The following EYS variants were observed in gnomAD, a reference collection of about 807,000 sequenced individuals.
EYS encodes EGF-like photoreceptor maintenance factor, also known as protein eyes shut homolog.
In EYS, 250 loss-of-function variants were observed where a neutral mutation model predicts 282.1. That is an observed-to-expected ratio of 0.89 (90% confidence interval 0.80 to 0.98). The LOEUF (loss-of-function observed/expected upper bound fraction) is 0.98, where lower values mean the gene tolerates loss of function less well. Among genes scored for constraint, EYS ranks in the 50% least tolerant of loss-of-function variants. The pLI, the probability that EYS is intolerant of heterozygous loss-of-function variation, is 0.00. For synonymous variants in EYS, 1,355 were observed against 1,282.9 expected (o/e 1.06, Z -1.20); for missense variants, 4,016 against 3,709.0 (o/e 1.08, Z -2.15).
At chr6:63,911,130 A>AC (rs1184822779) in intron 35 of EYS, among the ~76,000 whole-genome samples, 1 of 151,708 alleles carries the variant, frequency 6.6e-6, no homozygotes, top group Non-Finnish European at 1.5e-5. Flanking sequence ...TTAAAAAAAA[A>AC]AAAAAGCCCC....
chr6:65,148,060 G>C (rs546433305), intron 12 of EYS, among the ~76,000 whole-genome samples: 23 of 152,112 alleles, frequency 1.5e-4, no homozygotes, highest in Admixed American at 5.2e-4. Context: ...GATGAGATTC[G>C]GGTGAGCGCA....
At chr6:63,777,604 A>C (rs935954966) in intron 40 of EYS, 1 of 161,114 alleles carries the variant, frequency 6.2e-6, no homozygotes, top group Non-Finnish European at 1.4e-5. Context: ...TTCATACTAA[A>C]GTAGTTCAGA....
At chr6:65,054,074 T>G (rs1773348122) in intron 13 of EYS, among the ~76,000 whole-genome samples, 1 of 151,984 alleles carries the variant, frequency 6.6e-6, no homozygotes, top group Non-Finnish European at 1.5e-5. Flanking sequence ...CATAGATGGA[T>G]TATATATACA....
intron 12 of EYS, among the ~76,000 whole-genome samples, chr6:65,151,114 C>T (rs1853165): frequency 0.38 from 57,341 of 151,696 alleles, 12,038 homozygotes; most frequent in African/African-American, 0.57. Flanking sequence ...ACAATGATTA[C>T]ATAAAATAAG....
intron 12 of EYS, among the ~76,000 whole-genome samples, chr6:65,070,396 G>C (rs1231668651): frequency 6.6e-6 from 1 of 151,842 alleles, no homozygotes; most frequent in African/African-American, 2.4e-5. Flanking sequence ...CTTATGTCTT[G>C]TCACTTTCTT....
chr6:65,617,791 G>A (rs1451106751), intron 2 of EYS, among the ~76,000 whole-genome samples: 1 of 149,474 alleles, frequency 6.7e-6, no homozygotes, highest in East Asian at 2.0e-4. Flanking sequence ...CAATGAGTGA[G>A]AATATGTGGT....
chr6:64,256,569 A>G (rs1767408930), intron 30 of EYS, among the ~76,000 whole-genome samples: 1 of 152,024 alleles, frequency 6.6e-6, no homozygotes, highest in South Asian at 2.1e-4. Context: ...TGAAAAAAAG[A>G]CAAAGGAGCA....
At chr6:64,843,886 A>T (rs1017301134) in intron 19 of EYS, among the ~76,000 whole-genome samples, 2 of 152,110 alleles carry the variant, frequency 1.3e-5, no homozygotes, top group Non-Finnish European at 2.9e-5. Flanking sequence ...TTGAATTCCC[A>T]TAATTCCACG....
intron 33 of EYS, among the ~76,000 whole-genome samples, chr6:64,059,257 G>A (rs1771083844): frequency 6.6e-6 from 1 of 152,068 alleles, no homozygotes; most frequent in South Asian, 2.1e-4. Context: ...CAGAACTTGA[G>A]GGTCAACCAG....
intron 30 of EYS, among the ~76,000 whole-genome samples, chr6:64,293,306 G>A (rs1384010762): frequency 6.6e-6 from 1 of 152,044 alleles, no homozygotes; most frequent in Non-Finnish European, 1.5e-5. Context: ...ATAAAAACAT[G>A]TTATATGCTT....
chr6:64,802,108 A>T (rs1393049310), intron 22 of EYS, among the ~76,000 whole-genome samples: 5 of 128,410 alleles, frequency 3.9e-5, no homozygotes, highest in Non-Finnish European at 7.7e-5. Context: ...ATCTTGGCTC[A>T]CTGCAAGCTC....
At chr6:65,666,447 G>T (rs1768204172) in intron 1 of EYS, among the ~76,000 whole-genome samples, 2 of 151,402 alleles carry the variant, frequency 1.3e-5, no homozygotes, top group African/African-American at 4.8e-5. Context: ...TTTAAAATGG[G>T]GATAATTATA....
chr6:64,413,975 G>A lies in EYS; in HGVS notation c.5927+22199C>T, dbSNP rs545608539. On this transcript the variant is annotated intron_variant, in intron 28 of 42. Transcript: ENST00000503581. ...CCACATAAGGACACTATGAGAAGGC[G>A]TCATCTCTGAACCAGGAATTTTGCC... Among the ~76,000 whole-genome samples the A allele has an allele frequency of 4.6e-5, 7 of 152,212 alleles. 1 individual carries two copies. Among genetic ancestry groups the A allele is most frequent in the African/African-American group, 7.2e-5 (3 of 41,546 alleles).
Position 63,721,179 on chromosome 6 carries a change from T to C in EYS, c.8852A>G (p.Lys2951Arg). The C allele has an allele frequency of 2.6e-6, 4 of 1,551,642 alleles. No homozygotes were observed. The highest frequency in any genetic ancestry group is 3.5e-6 in the Non-Finnish European group (4 of 1,146,896). Residue 2951 changes from lysine (K) to arginine (R), a missense_variant, in exon 43 of 43, where the codon AAA becomes AGA. By Grantham distance (26) the Lys-to-Arg change is conservative. Transcript: ENST00000503581. ...LGWVGRYCEN[K>R]TSFSTAKFMG... Reference sequence around the variant, plus strand: ...AAATTTTGCAGTTGAAAATGAAGTTTTGTTTTCACAATACCTTCCCACCCA... The same window carrying C: ...AAATTTTGCAGTTGAAAATGAAGTTCTGTTTTCACAATACCTTCCCACCCA...
chr6:64,679,194 G>A (rs1414068267), intron 22 of EYS, among the ~76,000 whole-genome samples: 1 of 13,298 alleles, frequency 7.5e-5, no homozygotes, highest in Admixed American at 1.5e-3. Context: ...CGTTCTGATG[G>A]TTCTTTTTTT....
chr6:64,537,327 G>C (rs1234884333), intron 26 of EYS, among the ~76,000 whole-genome samples: 1 of 151,262 alleles, frequency 6.6e-6, no homozygotes, highest in Non-Finnish European at 1.5e-5. Flanking sequence ...TCCCTACAAA[G>C]GACATGAACT....
intron 24 of EYS, among the ~76,000 whole-genome samples, chr6:64,593,920 A>G (rs1268780809): frequency 3.9e-5 from 6 of 152,190 alleles, no homozygotes; most frequent in Admixed American, 3.9e-4. Context: ...GACCAGAGAG[A>G]TACGTTTATA....
rs60510782 is a variant in EYS, at chr6:64,969,876, T to C, written c.2260-23962A>G. ...AGAATTTCACCTTGGTACTCTTCAGTCTGTGACCCCAGATGTTACCTAAAC... is the reference window on the plus strand; with the variant it reads ...AGAATTTCACCTTGGTACTCTTCAGCCTGTGACCCCAGATGTTACCTAAAC... On this transcript the variant is annotated intron_variant, in intron 14 of 42. Transcript: ENST00000503581. Among the ~76,000 whole-genome samples, 323 of 152,278 alleles carry C rather than the reference T, an allele frequency of 2.1e-3. 4 individuals are homozygous for C. Among genetic ancestry groups the C allele is most frequent in the African/African-American group, 7.2e-3 (301 of 41,572 alleles).
intron 12 of EYS, among the ~76,000 whole-genome samples, chr6:65,243,103 C>CA (rs1413351481): frequency 6.6e-6 from 1 of 151,724 alleles, no homozygotes; most frequent in Admixed American, 6.6e-5. Flanking sequence ...TGATTTGCAA[C>CA]AAAAAATAAA....
Sources: allele counts gnomAD v4.1 joint callset (sites outside exome capture counted in the v4.1 genomes callset), GRCh38; gene constraint gnomAD v4.1.1; transcripts MANE v1.5; gene names NCBI Gene and HGNC (gene_info 2026-07-23, HGNC 2026-07-21).